Variants in WFS1 observed in about 807,000 individuals in gnomAD.
WFS1 encodes wolframin.
WFS1 carries 90 observed loss-of-function variants against 68.5 expected under a neutral mutation model. The ratio of observed to expected loss-of-function variants is 1.31; its 90% CI spans 1.11 to 1.56. The LOEUF is 1.56. Among genes scored for constraint, WFS1 ranks in the 40% most tolerant of loss-of-function variants. WFS1 has a pLI of 0.00. For missense variants in WFS1, 1,767 were observed against 1,232.6 expected (o/e 1.43, Z -6.49); for synonymous variants, 860 against 540.7 (o/e 1.59, Z -8.19).
chr4:6,299,007 C>T (rs1161618915), intron 7 of WFS1, among the ~76,000 whole-genome samples: 1 of 152,258 alleles, frequency 6.6e-6, no homozygotes, highest in Non-Finnish European at 1.5e-5. Flanking sequence ...GGGCCGCCCC[C>T]TAGGCGTCCA....
chr4:6,274,589 GAGTAGGTGAGGAAGA>G (rs1479337371), intron 1 of WFS1, among the ~76,000 whole-genome samples: 1 of 152,138 alleles, frequency 6.6e-6, no homozygotes, highest in Non-Finnish European at 1.5e-5. Flanking sequence ...GTGTTTACCT[GAGTAGGTGAGGAAGA>G]CAGGGACTCG....
chr4:6,286,681 C>T lies in WFS1; in HGVS notation c.233-412C>T, dbSNP rs1005483388. ...CTTGATTTGTTGGGGTTCTGGGCTT[C>T]GGGTACAGGTGCTTTGTATTATTTA... On this transcript the variant is annotated intron_variant, in intron 2 of 7. Coordinates refer to ENST00000226760, the MANE Select transcript of WFS1 (RefSeq NM_006005.3). Among the ~76,000 whole-genome samples the T allele has an allele frequency of 5.3e-5, 8 of 152,170 alleles. No individual in the cohort carries two copies. The East Asian group carries it at 5.8e-4, about 11-fold the overall frequency.
intron 6 of WFS1, among the ~76,000 whole-genome samples, chr4:6,293,683 T>TGTCCTGTCTCTCAGGACAGGAC (rs1189448110): frequency 1.3e-5 from 2 of 152,198 alleles, no homozygotes; most frequent in Non-Finnish European, 2.9e-5. Context: ...CCTAGACTGA[T>TGTCCTGTCTCTCAGGACAGGAC]GTCCTGTCTC....
At chr4:6,281,576 G>C (rs1185380456) in intron 2 of WFS1, among the ~76,000 whole-genome samples, 3 of 152,212 alleles carry the variant, frequency 2.0e-5, no homozygotes, top group Admixed American at 6.5e-5. Context: ...GGGGCTGCCA[G>C]GTGGACGGTG....
intron 4 of WFS1, among the ~76,000 whole-genome samples, chr4:6,289,652 G>A (rs1730408880): frequency 4.6e-5 from 7 of 152,160 alleles, no homozygotes; most frequent in Admixed American, 3.9e-4. Context: ...GGAAAGGGAC[G>A]CAGCTCAGGC....
At chr4:6,277,312 C>A in intron 1 of WFS1, 139 bp from the exon 2 acceptor site, 3 of 825,838 alleles carry the variant, frequency 3.6e-6, no homozygotes, top group Non-Finnish European at 6.0e-6. Context: ...GGGGACTGTA[C>A]TGAGTGTCAG....
chr4:6,301,112 T>C lies in WFS1; in HGVS notation c.1317T>C (p.Phe439=). ...CSELAVITGF[F]TVTSYLSLST... ...AGCTGGCTGTCATCACCGGCTTCTT[T>C]ACCGTGACCAGCTACCTGAGCCTGA... The change falls in exon 8 of 8, where the codon TTT becomes TTC. Residue 439 remains phenylalanine (F), a synonymous_variant. Transcript: ENST00000226760. 2 of 1,613,792 alleles carry C rather than the reference T, an allele frequency of 1.2e-6. No homozygotes were observed. Among genetic ancestry groups the C allele is most frequent in the Non-Finnish European group, 1.7e-6 (2 of 1,180,030 alleles).
chr4:6,291,438 A>G, intron 5 of WFS1, 71 bp downstream of exon 5: 2 of 1,570,946 alleles, frequency 1.3e-6, no homozygotes, highest in Non-Finnish European at 8.6e-7. Flanking sequence ...GGACCTTCCC[A>G]TAGGGGCTGG....
chr4:6,288,763 T>G, intron 3 of WFS1: 6 of 621,108 alleles, frequency 9.7e-6, no homozygotes, highest in East Asian at 3.0e-5. Context: ...TCCCTCGCCG[T>G]GTGGATGGGG....
chr4:6,285,524 A>C (rs1730289060), intron 2 of WFS1, among the ~76,000 whole-genome samples: 1 of 152,100 alleles, frequency 6.6e-6, no homozygotes, highest in Non-Finnish European at 1.5e-5. Flanking sequence ...TCCTTCTCCA[A>C]ACACATGCCT....
intron 7 of WFS1, among the ~76,000 whole-genome samples, chr4:6,297,326 C>A (rs985593568): frequency 5.9e-5 from 9 of 152,120 alleles, no homozygotes; most frequent in African/African-American, 2.2e-4. Context: ...TTTTAGTAGC[C>A]TTTTGTAGAA....
In WFS1 at chr4:6,283,771, C is replaced by A. The variant is rs76909249; in HGVS notation, c.233-3322C>A. On this transcript the variant is annotated intron_variant, in intron 2 of 7. Coordinates refer to ENST00000226760, the MANE Select transcript of WFS1 (RefSeq NM_006005.3). The surrounding 1 kb of genome is among the most constrained non-coding windows in gnomAD (Gnocchi z 5.0). The stretch of plus-strand genomic sequence containing the variant: ...CAGCGCAGGGGAGGGGGCAGTGCCA[C>A]CCAGACCATGAGGACTGAGAGTGGC... Among the ~76,000 whole-genome samples, 2,464 of 152,244 alleles carry A rather than the reference C, an allele frequency of 0.016. 57 individuals are homozygous for A. The highest frequency in any genetic ancestry group is 0.056 in the African/African-American group (2,328 of 41,532).
intron 1 of WFS1, among the ~76,000 whole-genome samples, chr4:6,273,580 T>G (rs553760725): frequency 2.2e-4 from 34 of 152,318 alleles, no homozygotes; most frequent in African/African-American, 8.2e-4. Context: ...TCTGCCCACA[T>G]GCATTAAGTG....
rs756517827 is a variant in WFS1, at chr4:6,300,961, A to C, written c.1166A>C (p.Asp389Ala). 3 of 1,613,814 alleles carry C rather than the reference A, an allele frequency of 1.9e-6. No individual in the cohort carries two copies. Among genetic ancestry groups the C allele is most frequent in the Admixed American group, 1.7e-5 (1 of 59,872 alleles). The stretch of plus-strand genomic sequence containing the variant: ...CTGCTGCGCTTCGAGCCCAACCTGG[A>C]TGTGGAGCAGGCCGAGGTCAACTTC... ...DLLLRFEPNLDVEQAEVNFGW... is the reference protein window; with the variant it reads ...DLLLRFEPNLAVEQAEVNFGW... The change falls in exon 8 of 8, where the codon GAT (aspartate) becomes GCT (alanine). Residue 389 changes from aspartate to alanine, a missense_variant. By Grantham distance (126) the Asp-to-Ala change is moderately radical (BLOSUM62 -2). Transcript: ENST00000226760.
At position 6,302,295 on chromosome 4, in the gene WFS1, G is replaced by A. The variant is rs398124214; in HGVS notation, c.2500G>A (p.Gly834Ser). 6 of 1,606,056 alleles carry A rather than the reference G, an allele frequency of 3.7e-6. No homozygotes were observed. The highest frequency in any genetic ancestry group is 5.1e-6 in the Non-Finnish European group (6 of 1,174,766). The change falls in exon 8 of 8, where the codon GGC becomes AGC. Residue 834 changes from glycine (G) to serine (S), a missense_variant. Transcript: ENST00000226760. ...EFSTILEGRL[G>S]SKWPVFELKA... Reference sequence around the variant, plus strand: ...CAGCACCATCCTGGAGGGCCGCCTGGGCAGCAAGTGGCCTGTCTTCGAGCT... The same window carrying A: ...CAGCACCATCCTGGAGGGCCGCCTGAGCAGCAAGTGGCCTGTCTTCGAGCT...
At chr4:6,291,871 G>T in intron 5 of WFS1, 46 bp from the exon 6 acceptor site, 1 of 1,564,372 alleles carries the variant, frequency 6.4e-7, no homozygotes, top group Non-Finnish European at 8.7e-7. Context: ...AGGGCACGAG[G>T]AGATAGTCAA....
At chr4:6,270,707 A>T (rs1434505776) in intron 1 of WFS1, among the ~76,000 whole-genome samples, 5 of 152,170 alleles carry the variant, frequency 3.3e-5, no homozygotes, top group African/African-American at 1.2e-4. Flanking sequence ...GGAGAATCCT[A>T]CCCAGCCCTT....
At position 6,302,071 on chromosome 4, in the gene WFS1, T is replaced by A. The variant is rs775185698; in HGVS notation, c.2276T>A (p.Leu759Gln). 1.2e-6 allele frequency: 2 copies of A among 1,612,888 alleles called. No homozygotes were observed. The highest frequency in any genetic ancestry group is 1.7e-6 in the Non-Finnish European group (2 of 1,180,018). Reference protein sequence around the residue: ...TAEEELCRLKLLAKHPCHIKK... With the variant: ...TAEEELCRLKQLAKHPCHIKK... ...GAGGAGGAGCTCTGTCGCCTTAAGC[T>A]GCTGGCCAAGCACCCCTGCCACATC... Residue 759 changes from leucine (L) to glutamine (Q), a missense_variant, in exon 8 of 8, where the codon CTG becomes CAG. Leu to Gln is a moderately radical substitution (Grantham distance 113). Coordinates refer to ENST00000226760, the MANE Select transcript of WFS1 (RefSeq NM_006005.3).
chr4:6,288,309 C>G (rs982234213), intron 3 of WFS1, among the ~76,000 whole-genome samples: 1 of 151,992 alleles, frequency 6.6e-6, no homozygotes, highest in Non-Finnish European at 1.5e-5. Flanking sequence ...CATTTGGAGG[C>G]GGGGGGAGCA....
Sources: allele counts gnomAD v4.1 joint callset (sites outside exome capture counted in the v4.1 genomes callset), GRCh38; gene constraint gnomAD v4.1.1; non-coding constraint Gnocchi (gnomAD v3.1); transcripts MANE v1.5; gene names NCBI Gene and HGNC (gene_info 2026-07-23, HGNC 2026-07-21).